The following IL12A variants were observed in gnomAD, a reference collection of about 807,000 sequenced individuals.
IL12A encodes interleukin-12 subunit alpha.
Under a neutral mutation model 23.5 loss-of-function variants are expected in IL12A, and 16 were observed. The ratio of observed to expected loss-of-function variants is 0.68; its 90% CI spans 0.46 to 1.03. The LOEUF (loss-of-function observed/expected upper bound fraction) is 1.03, where lower values mean the gene tolerates loss of function less well. IL12A is among the 50% of genes least tolerant of loss of function. IL12A has a pLI of 0.00. For synonymous variants in IL12A, 106 were observed against 111.5 expected (o/e 0.95, Z 0.31); for missense variants, 275 against 307.0 (o/e 0.90, Z 0.78).
rs1184022745 is a variant in IL12A at position 159,995,986 on chromosome 3, G to C, written c.*427G>C. 2 of 151,830 alleles carry C rather than the reference G, an allele frequency of 1.3e-5. No homozygotes were observed. The highest frequency in any genetic ancestry group is 2.9e-5 in the Non-Finnish European group (2 of 67,954). 9.4% of individuals were successfully genotyped at this position (151,830 alleles called of 1,614,324 possible). A position where few individuals can be genotyped will look rare whatever the true frequency, so the allele number is the denominator to read the frequency against. ...AAGTGTATTTGAAAAATATTTTTAA[G>C]TGTTCTAAAAATAAAAGTATTGAAT... is the stretch of plus-strand genomic sequence containing the variant. On this transcript the variant is annotated 3_prime_UTR_variant, in exon 7 of 7. Coordinates refer to ENST00000305579, the MANE Select transcript of IL12A (RefSeq NM_000882.4).
Position 159,995,465 on chromosome 3 carries a change from A to G in IL12A, c.668A>G (p.Tyr223Cys). ...TCCTCCCTTGAAGAACCGGATTTTT[A>G]TAAAACTAAAATCAAGCTCTGCATA... Residue 223 changes from tyrosine (Y) to cysteine (C), a missense_variant, in exon 7 of 7, where the codon TAT becomes TGT. Coordinates refer to ENST00000305579, the MANE Select transcript of IL12A (RefSeq NM_000882.4). The G allele has an allele frequency of 4.4e-6, 7 of 1,607,634 alleles. No individual in the cohort carries two copies. The highest frequency in any genetic ancestry group is 5.9e-6 in the Non-Finnish European group (7 of 1,177,356).
chr3:159,988,952 C>A lies in IL12A; in HGVS notation c.-105C>A. The stretch of plus-strand genomic sequence containing the variant: ...CAAGCCCCGCGGGCCGGCCGCACCG[C>A]ACGTGTCACCGAGAAGCTGATGTAG... On this transcript the variant is annotated 5_prime_UTR_variant, in exon 1 of 7. Transcript: ENST00000305579. 1.0e-6 allele frequency: 1 copy of A among 980,968 alleles called. No homozygotes were observed. Among genetic ancestry groups the A allele is most frequent in the Non-Finnish European group, 1.6e-6 (1 of 627,748 alleles). The allele number at this position is 980,968 out of a possible 1,614,324, so 60.8% of individuals were successfully genotyped here. A position where few individuals can be genotyped will look rare whatever the true frequency, so the allele number is the denominator to read the frequency against.
rs762838162 is a variant in IL12A at position 159,995,610 on chromosome 3, G to T, written c.*51G>T. On this transcript the variant is annotated 3_prime_UTR_variant, in exon 7 of 7. Transcript: ENST00000305579. ...TCATTTTTATAAAACTTTGAAATGAGGAAACTTTGATAGGATGTGGATTAA... is the reference window on the plus strand; with the variant it reads ...TCATTTTTATAAAACTTTGAAATGATGAAACTTTGATAGGATGTGGATTAA... 7.0e-6 allele frequency: 10 copies of T among 1,432,626 alleles called. No homozygotes were observed. The African/African-American group carries it at 1.3e-4, about 19-fold the overall frequency. 88.7% of individuals were successfully genotyped at this position (1,432,626 alleles called of 1,614,324 possible).
chr3:159,990,132 G>T lies in IL12A; in HGVS notation c.119-35G>T, dbSNP rs756870274. Reference sequence around the variant, plus strand: ...AAGGTGGTGCAGGCAGGCCATCCAGGCTGAAGCTCCTCCACCTGCTCCTCT... The same window carrying T: ...AAGGTGGTGCAGGCAGGCCATCCAGTCTGAAGCTCCTCCACCTGCTCCTCT... On this transcript the variant is annotated intron_variant, in intron 1 of 6. Coordinates refer to ENST00000305579, the MANE Select transcript of IL12A (RefSeq NM_000882.4). 1.1e-5 allele frequency: 18 copies of T among 1,610,142 alleles called. No homozygotes were observed. In the Admixed American group the frequency reaches 2.3e-4, roughly 21 times the overall value.
At chr3:159,991,737 T>C (rs1720321495) in intron 2 of IL12A, among the ~76,000 whole-genome samples, 1 of 152,236 alleles carries the variant, frequency 6.6e-6, no homozygotes, top group South Asian at 2.1e-4. Context: ...CTGGAGGCTC[T>C]TGGGGAGAAT....
Position 159,988,926 on chromosome 3 carries a change from G to T in IL12A, c.-131G>T, listed in dbSNP as rs1268203748. On this transcript the variant is annotated 5_prime_UTR_variant, in exon 1 of 7. Coordinates refer to ENST00000305579, the MANE Select transcript of IL12A (RefSeq NM_000882.4). ...CCCCGGGAGTTAATCCGAAAGCGCCGCAAGCCCCGCGGGCCGGCCGCACCG... is the reference window on the plus strand; with the variant it reads ...CCCCGGGAGTTAATCCGAAAGCGCCTCAAGCCCCGCGGGCCGGCCGCACCG... 5 of 774,912 alleles carry T rather than the reference G, an allele frequency of 6.5e-6. No homozygotes were observed. The highest frequency in any genetic ancestry group is 2.5e-5 in the Admixed American group (1 of 39,860). 48.0% of individuals were successfully genotyped at this position (774,912 alleles called of 1,614,324 possible).
At chr3:159,992,006 A>ATAG (rs1720333040) in intron 2 of IL12A, among the ~76,000 whole-genome samples, 1 of 152,220 alleles carries the variant, frequency 6.6e-6, no homozygotes, top group Admixed American at 6.5e-5. Context: ...GGCAGGTCAC[A>ATAG]TAGCTCATTA....
chr3:159,993,958 A>AC (rs1720407247), intron 6 of IL12A, 114 bp downstream of exon 6: 1 of 1,012,678 alleles, frequency 9.9e-7, no homozygotes, highest in Non-Finnish European at 1.5e-6. Flanking sequence ...GGCCTGACAG[A>AC]CCTACATTTT....
chr3:159,991,481 A>C (rs1720308734), intron 2 of IL12A, among the ~76,000 whole-genome samples: 3 of 152,226 alleles, frequency 2.0e-5, no homozygotes, highest in Admixed American at 2.0e-4. Flanking sequence ...TCTCTTGAAA[A>C]GATCTGAAGA....
At chr3:159,994,608 G>A (rs1412391781) in intron 6 of IL12A, among the ~76,000 whole-genome samples, 3 of 151,886 alleles carry the variant, frequency 2.0e-5, no homozygotes, top group Non-Finnish European at 4.4e-5. Context: ...GTGTGTGTGT[G>A]TGTGTGTGTG....
At position 159,989,275 on chromosome 3, in the gene IL12A, G is replaced by A. The variant is rs1720217923; in HGVS notation, c.118+101G>A. 6.9e-6 allele frequency: 6 copies of A among 871,664 alleles called. No homozygotes were observed. In the South Asian group the frequency reaches 7.3e-5, roughly 11 times the overall value. The allele number at this position is 871,664 out of a possible 1,614,324, so 54.0% of individuals were successfully genotyped here. ...CTCAAGTCTGCCTAAGGAGAGACTGGAACAGCAGCAGCCGTCTCCTGCAAA... is the reference window on the plus strand; with the variant it reads ...CTCAAGTCTGCCTAAGGAGAGACTGAAACAGCAGCAGCCGTCTCCTGCAAA... On this transcript the variant is annotated intron_variant, in intron 1 of 6. Transcript: ENST00000305579.
rs4986961 is a variant in IL12A, at chr3:159,995,666, T to C, written c.*107T>C. On this transcript the variant is annotated 3_prime_UTR_variant, in exon 7 of 7. Coordinates refer to ENST00000305579, the MANE Select transcript of IL12A (RefSeq NM_000882.4). ...AGGGAGGGGGAAAGAAGGATGGGAC[T>C]ATTACATCCACATGATACCTCTGAT... 6.6e-5 allele frequency: 48 copies of C among 729,566 alleles called. No homozygotes were observed. In the African/African-American group the frequency reaches 6.9e-4, roughly 10 times the overall value. 45.2% of individuals were successfully genotyped at this position (729,566 alleles called of 1,614,324 possible).
At chr3:159,994,579 C>CGTGTGTGTGT (rs60659167) in intron 6 of IL12A, among the ~76,000 whole-genome samples, 2,411 of 135,676 alleles carry the variant, frequency 0.018, 47 homozygotes, top group East Asian at 0.04. Flanking sequence ...TTATTCTTTT[C>CGTGTGTGTGT]GTGTGTGTGT....
intron 2 of IL12A, among the ~76,000 whole-genome samples, chr3:159,990,514 G>A (rs1367330878): frequency 6.6e-6 from 1 of 152,226 alleles, no homozygotes; most frequent in African/African-American, 2.4e-5. Context: ...GAAAGCAAGA[G>A]TAGTAATAAA....
intron 2 of IL12A, among the ~76,000 whole-genome samples, chr3:159,990,709 A>C (rs1423759829): frequency 1.3e-5 from 2 of 152,196 alleles, no homozygotes; most frequent in Non-Finnish European, 2.9e-5. Flanking sequence ...AGGGGTACAA[A>C]GATGAAATAG....
At position 159,993,496 on chromosome 3, in the gene IL12A, A is replaced by G; in HGVS notation, c.420+4A>G. ...CAGAGAGACCTCTTTCATAACTGTA[A>G]GTCAAAAAATGAAAAGTTTCAGCCT... On this transcript the variant is annotated splice_donor_region_variant and intron_variant, in intron 4 of 6. Transcript: ENST00000305579. 6.2e-7 allele frequency: 1 copy of G among 1,613,734 alleles called. No individual in the cohort carries two copies. Among genetic ancestry groups the G allele is most frequent in the Non-Finnish European group, 8.5e-7 (1 of 1,179,620 alleles).
chr3:159,991,366 C>A lies in IL12A; in HGVS notation c.264+1054C>A, dbSNP rs1356994065. Among the ~76,000 whole-genome samples, 3 of 152,182 alleles carry A rather than the reference C, an allele frequency of 2.0e-5. No individual in the cohort carries two copies. The East Asian group carries it at 5.8e-4, about 29-fold the overall frequency. On this transcript the variant is annotated intron_variant, in intron 2 of 6. Transcript: ENST00000305579. ...GAGGTAGATGCAAGTGATTCACCGG[C>A]CATATCCAGGGCACAGGTTTGTAGA...
chr3:159,990,352 TC>T, intron 2 of IL12A, 40 bp downstream of exon 2: 1 of 1,598,220 alleles, frequency 6.3e-7, no homozygotes, highest in South Asian at 1.1e-5. Flanking sequence ...ACCTGCACCC[TC>T]CCTGAGGAAG....
At chr3:159,993,156 G>T (rs1198707297) in intron 3 of IL12A, 31 bp downstream of exon 3, 2 of 1,215,410 alleles carry the variant, frequency 1.6e-6, no homozygotes. Flanking sequence ...AGAGCATGCA[G>T]TGTGGTTAAA....
Sources: gnomAD v4.1 joint callset for allele counts (sites outside exome capture counted in the v4.1 genomes callset) on GRCh38, gnomAD v4.1.1 for gene constraint, MANE v1.5 for transcripts, NCBI Gene and HGNC (gene_info 2026-07-23, HGNC 2026-07-21) for gene names.